The following L3HYPDH variants were observed in gnomAD, a reference collection of about 807,000 sequenced individuals.
L3HYPDH encodes the protein trans-3-hydroxy-L-proline dehydratase.
Under a neutral mutation model 26.5 loss-of-function variants are expected in L3HYPDH, and 32 were observed. The observed-to-expected ratio is 1.21, with a 90% CI of 0.91 to 1.62. The LOEUF is 1.62. L3HYPDH is among the 40% of genes most tolerant of loss of function. The pLI is 0.00. For missense variants in L3HYPDH, 554 were observed against 476.4 expected (o/e 1.16, Z -1.52); for synonymous variants, 215 against 196.6 (o/e 1.09, Z -0.78).
At chr14:59,474,476 CCTCT>C (rs1401699372) in intron 4 of L3HYPDH, 1 of 697,128 alleles carries the variant, frequency 1.4e-6, no homozygotes, top group African/African-American at 1.8e-5. Context: ...CTCTCGGCTC[CCTCT>C]CTATTTGGGG....
chr14:59,486,768 TA>T, upstream of L3HYPDH: 4 of 1,593,876 alleles, frequency 2.5e-6, no homozygotes, highest in Non-Finnish European at 3.4e-6. Context: ...CCCTATTATT[TA>T]AAAATGGCTC....
intron 1 of L3HYPDH, among the ~76,000 whole-genome samples, chr14:59,481,442 G>A (rs918790567): frequency 1.3e-5 from 2 of 152,080 alleles, no homozygotes; most frequent in Admixed American, 6.6e-5. Flanking sequence ...AGAGCTTGGG[G>A]TCAAACCCAG....
chr14:59,466,365 T>C (rs973268182), intron 1 of L3HYPDH, among the ~76,000 whole-genome samples: 2 of 152,184 alleles, frequency 1.3e-5, no homozygotes, highest in Non-Finnish European at 2.9e-5. Flanking sequence ...TGGCCTCTAA[T>C]GGGGAAAAGT....
chr14:59,479,512 G>A (rs568501241), intron 1 of L3HYPDH, among the ~76,000 whole-genome samples, 161 bp from the exon 2 acceptor site: 1 of 150,498 alleles, frequency 6.6e-6, no homozygotes, highest in South Asian at 2.1e-4. Context: ...AATAAGCATC[G>A]AGTGAATAAT....
downstream of L3HYPDH, among the ~76,000 whole-genome samples, chr14:59,469,794 GTCC>G (rs1489300352): frequency 6.6e-6 from 1 of 152,106 alleles, no homozygotes; most frequent in East Asian, 1.9e-4. Flanking sequence ...GATCTTGGTT[GTCC>G]TCTAAGTACT....
At chr14:59,477,676 T>C (rs1889730948) in intron 2 of L3HYPDH, among the ~76,000 whole-genome samples, 3 of 152,242 alleles carry the variant, frequency 2.0e-5, no homozygotes, top group Non-Finnish European at 2.9e-5. Context: ...GCTTCAAAAG[T>C]TGCTATCATA....
intron 1 of L3HYPDH, among the ~76,000 whole-genome samples, chr14:59,482,734 T>C (rs1890118984): frequency 6.6e-6 from 1 of 152,214 alleles, no homozygotes; most frequent in South Asian, 2.1e-4. Context: ...CTATCAGTTA[T>C]CATTCATAAT....
chr14:59,504,395 TAAG>T, the L3HYPDH span: 5 of 255,688 alleles, frequency 2.0e-5, no homozygotes, highest in African/African-American at 4.4e-5. Flanking sequence ...CCCATTTTAT[TAAG>T]AAAAGCTTTA....
the L3HYPDH span, among the ~76,000 whole-genome samples, chr14:59,496,750 C>A: frequency 6.6e-6 from 1 of 152,184 alleles, no homozygotes; most frequent in Non-Finnish European, 1.5e-5. Context: ...TATTCACTAT[C>A]CCTGAATCAA....
the L3HYPDH span, chr14:59,501,218 T>C: frequency 6.2e-7 from 1 of 1,603,734 alleles, no homozygotes. Context: ...ATTATATTAG[T>C]GTTATCTTTG....
At chr14:59,490,994 T>G in the L3HYPDH span, among the ~76,000 whole-genome samples, 1 of 151,734 alleles carries the variant, frequency 6.6e-6, no homozygotes, top group Non-Finnish European at 1.5e-5. Flanking sequence ...GGAAAGGAGG[T>G]GGGTTTAAAA....
downstream of L3HYPDH, among the ~76,000 whole-genome samples, chr14:59,471,242 G>C (rs183839253): frequency 1.6e-3 from 251 of 152,298 alleles, 1 homozygote; most frequent in Non-Finnish European, 3.0e-3. Context: ...AATAGCTATT[G>C]TTTAATGTTC....
At chr14:59,497,143 G>A in the L3HYPDH span, among the ~76,000 whole-genome samples, 588 of 151,952 alleles carry the variant, frequency 3.9e-3, 3 homozygotes, top group African/African-American at 0.013. Context: ...AATACCACAG[G>A]ACTTTACTGA....
chr14:59,475,867 A>T lies in L3HYPDH; in HGVS notation c.939+2T>A, dbSNP rs72710953. 85 of 1,610,618 alleles carry T rather than the reference A, an allele frequency of 5.3e-5. No homozygotes were observed. Among genetic ancestry groups the T allele is most frequent in the Non-Finnish European group, 7.0e-5 (83 of 1,179,048 alleles). The stretch of plus-strand genomic sequence containing the variant: ...AAATAAGAAGCTAAGGGTGCCACTT[A>T]CCCTCACAGCTTTCCCTGTGAATAC... On this transcript the variant is annotated splice_donor_variant, in intron 4 of 4. Transcript: ENST00000247194. LOFTEE classifies it high-confidence loss of function.
downstream of L3HYPDH, among the ~76,000 whole-genome samples, chr14:59,468,638 G>C (rs1889248752): frequency 6.6e-6 from 1 of 152,108 alleles, no homozygotes; most frequent in African/African-American, 2.4e-5. Flanking sequence ...GATTATCTAA[G>C]CATTACCTGC....
chr14:59,474,480 T>G, intron 4 of L3HYPDH: 1 of 698,252 alleles, frequency 1.4e-6, no homozygotes, highest in Non-Finnish European at 2.6e-6. Context: ...CGGCTCCCTC[T>G]CTATTTGGGG....
intron 1 of L3HYPDH, chr14:59,483,549 G>C: frequency 7.1e-7 from 1 of 1,402,950 alleles, no homozygotes; most frequent in Non-Finnish European, 9.2e-7. Flanking sequence ...GGGAGGCGCT[G>C]AGTCAGGGTA....
chr14:59,466,613 C>A (rs1221413132), intron 1 of L3HYPDH, among the ~76,000 whole-genome samples: 2 of 152,296 alleles, frequency 1.3e-5, no homozygotes, highest in African/African-American at 4.8e-5. Flanking sequence ...AAACACTGCT[C>A]TAAAGAATGA....
At chr14:59,471,783 A>T (rs552629039), downstream of L3HYPDH, among the ~76,000 whole-genome samples, 371 of 152,260 alleles carry the variant, frequency 2.4e-3, 1 homozygote, top group African/African-American at 7.0e-3. Flanking sequence ...TATTTTTTTT[A>T]AAAAGTATAG....
Sources: gnomAD v4.1 joint callset for allele counts (sites outside exome capture counted in the v4.1 genomes callset) on GRCh38, gnomAD v4.1.1 for gene constraint, MANE v1.5 for transcripts, NCBI Gene and HGNC (gene_info 2026-07-23, HGNC 2026-07-21) for gene names.